Variants in UTRN observed in about 807,000 individuals in gnomAD.
UTRN encodes utrophin.
UTRN carries 283 observed loss-of-function variants against 463.9 expected under a neutral mutation model. That is an observed-to-expected ratio of 0.61 (90% CI 0.55 to 0.67). The LOEUF (loss-of-function observed/expected upper bound fraction) is 0.67. Ranked by LOEUF, UTRN falls within the 30% of genes least tolerant of loss-of-function variation. The pLI is 0.00. For missense variants in UTRN, 3,922 were observed against 4,084.3 expected, an observed-to-expected ratio of 0.96 and a Z score of 1.08; for synonymous variants, 1,442 against 1,431.5, an observed-to-expected ratio of 1.01 and a Z score of -0.17.
chr6:144,455,046 A>G (rs1245530876), intron 19 of UTRN, among the ~76,000 whole-genome samples: 1 of 151,182 alleles, frequency 6.6e-6, no homozygotes, highest in Non-Finnish European at 1.5e-5. Context: ...TTTAGTATGT[A>G]TACTGGATAT....
At chr6:144,566,558 T>A (rs1272287949) in intron 50 of UTRN, among the ~76,000 whole-genome samples, 2 of 152,104 alleles carry the variant, frequency 1.3e-5, no homozygotes, top group Admixed American at 1.3e-4. Flanking sequence ...TCCCTTTCTC[T>A]GGGTGGTGTC....
At chr6:144,325,014 A>C (rs1395726034) in intron 2 of UTRN, among the ~76,000 whole-genome samples, 1 of 152,196 alleles carries the variant, frequency 6.6e-6, no homozygotes, top group African/African-American at 2.4e-5. Context: ...CCTCACCTGC[A>C]CAGGAGAACA....
At chr6:144,808,607 G>T (rs1278187464) in intron 65 of UTRN, among the ~76,000 whole-genome samples, 2 of 151,938 alleles carry the variant, frequency 1.3e-5, no homozygotes, top group African/African-American at 4.8e-5. Context: ...TGTACATTAG[G>T]TCTCCAGAAT....
intron 40 of UTRN, among the ~76,000 whole-genome samples, 190 bp from the exon 41 acceptor site, chr6:144,522,826 A>G (rs939835669): frequency 6.6e-6 from 1 of 151,986 alleles, no homozygotes; most frequent in Admixed American, 6.6e-5. Context: ...ATTATGTAGC[A>G]TATTCCACAC....
intron 52 of UTRN, among the ~76,000 whole-genome samples, chr6:144,696,542 T>C (rs1235488012): frequency 1.3e-5 from 2 of 152,216 alleles, no homozygotes; most frequent in East Asian, 3.8e-4. Flanking sequence ...TCTCCTAATA[T>C]GTCTTAATTC....
intron 51 of UTRN, among the ~76,000 whole-genome samples, chr6:144,579,204 ACT>A (rs766846940): frequency 4.0e-4 from 61 of 151,988 alleles, no homozygotes; most frequent in Admixed American, 6.6e-4. Context: ...CCTTTGACTC[ACT>A]CTTTTGAGCC....
Position 144,678,433 on chromosome 6 carries a change from A to G in UTRN, c.7507A>G (p.Asn2503Asp). 3.1e-6 allele frequency: 5 copies of G among 1,612,706 alleles called. No individual in the cohort carries two copies. The highest frequency in any genetic ancestry group is 4.2e-6 in the Non-Finnish European group (5 of 1,179,156). The change falls in exon 52 of 75, where the codon AAT becomes GAT. Residue 2503 changes from asparagine (N) to aspartate (D), a missense_variant. This residue lies in a region of UTRN where 1,309 missense variants were observed against 1,452.6 expected (regional missense o/e 0.90). Coordinates refer to ENST00000367545, the MANE Select transcript of UTRN (RefSeq NM_007124.3). ...CATCCAGGCAGAAATTGATGCCCACAATGACATATTTAAAAGCATTGACGG... is the reference window on the plus strand; with the variant it reads ...CATCCAGGCAGAAATTGATGCCCACGATGACATATTTAAAAGCATTGACGG... ...QDIQAEIDAH[N>D]DIFKSIDGNR...
intron 51 of UTRN, among the ~76,000 whole-genome samples, chr6:144,581,313 C>A (rs920508663): frequency 1.3e-5 from 2 of 152,146 alleles, no homozygotes; most frequent in African/African-American, 4.8e-5. Flanking sequence ...GATTGTTATT[C>A]TTTTAATTAT....
chr6:144,327,391 C>T (rs7747420), intron 2 of UTRN, among the ~76,000 whole-genome samples: 12 of 152,256 alleles, frequency 7.9e-5, no homozygotes, highest in South Asian at 4.1e-4. Context: ...GCCCACATAA[C>T]GCAACCAGGG....
chr6:144,579,239 A>C (rs1801729094), intron 51 of UTRN, among the ~76,000 whole-genome samples: 1 of 152,212 alleles, frequency 6.6e-6, no homozygotes, highest in Non-Finnish European at 1.5e-5. Flanking sequence ...TATAAATGTT[A>C]ATTGATAAAA....
At chr6:144,633,943 T>C (rs994262964) in intron 51 of UTRN, among the ~76,000 whole-genome samples, 1 of 152,222 alleles carries the variant, frequency 6.6e-6, no homozygotes, top group Non-Finnish European at 1.5e-5. Context: ...AGAAGGTTTT[T>C]GGATTAGATG....
At chr6:144,402,568 G>A (rs79123561) in intron 2 of UTRN, among the ~76,000 whole-genome samples, 2,357 of 152,056 alleles carry the variant, frequency 0.016, 24 homozygotes, top group African/African-American at 0.022. Context: ...GTAAAAGTTC[G>A]TATAGATCAA....
Position 144,487,696 on chromosome 6 carries a change from T to TC in UTRN, c.3971_3972insC (p.Ala1325GlyfsTer19). On this transcript the variant is annotated frameshift_variant and splice_region_variant, in exon 29 of 75. Coordinates refer to ENST00000367545, the MANE Select transcript of UTRN (RefSeq NM_007124.3). LOFTEE classifies it high-confidence loss of function. ...AGCCGATATGAAGATCTAAGTCACC[T>TC]GGTAAGAGTTGGGACATACATGGGT... 1 of 1,611,156 alleles carries TC rather than the reference T, an allele frequency of 6.2e-7. No individual in the cohort carries two copies. The highest frequency in any genetic ancestry group is 1.7e-5 in the Admixed American group (1 of 59,704).
chr6:144,802,455 G>A, intron 64 of UTRN, among the ~76,000 whole-genome samples: 1 of 152,160 alleles, frequency 6.6e-6, no homozygotes, highest in East Asian at 1.9e-4. Flanking sequence ...TGACAGAACA[G>A]ATTTCGGAGA....
At chr6:144,422,113 A>G in intron 4 of UTRN, 143 bp downstream of exon 4, 1 of 653,658 alleles carries the variant, frequency 1.5e-6, no homozygotes, top group Admixed American at 3.5e-5. Flanking sequence ...ATTTTTAACA[A>G]AGCATTTTAA....
intron 51 of UTRN, among the ~76,000 whole-genome samples, chr6:144,621,719 A>G (rs1322155097): frequency 6.6e-6 from 1 of 152,168 alleles, no homozygotes; most frequent in Non-Finnish European, 1.5e-5. Context: ...TACCTCAATC[A>G]CTGCCGTATC....
intron 68 of UTRN, 88 bp downstream of exon 68, chr6:144,827,764 A>G: frequency 7.0e-7 from 1 of 1,429,396 alleles, no homozygotes; most frequent in South Asian, 1.3e-5. Flanking sequence ...ATATACCTTG[A>G]TTTAAGAAAT....
intron 50 of UTRN, among the ~76,000 whole-genome samples, chr6:144,561,313 TACAC>T (rs1169743506): frequency 6.9e-6 from 1 of 144,738 alleles, no homozygotes; most frequent in South Asian, 2.1e-4. Context: ...TATATATACA[TACAC>T]ATATATGTGT....
At chr6:144,539,144 C>A in intron 44 of UTRN, 150 bp from the exon 45 acceptor site, 1 of 856,674 alleles carries the variant, frequency 1.2e-6, no homozygotes, top group Non-Finnish European at 1.7e-6. Context: ...CATTTGTTAG[C>A]ATGAGCTTAA....
Sources: gnomAD v4.1 joint callset for allele counts (sites outside exome capture counted in the v4.1 genomes callset) on GRCh38, gnomAD v4.1.1 for gene constraint, gnomAD v4.1.1 regional missense constraint, MANE v1.5 for transcripts, NCBI Gene and HGNC (gene_info 2026-07-23, HGNC 2026-07-21) for gene names.